Variants in TOGARAM2 observed in about 807,000 individuals in gnomAD.
TOGARAM2 encodes the protein TOG array regulator of axonemal microtubules 2.
TOGARAM2 carries 85 observed loss-of-function variants against 93.3 expected under a neutral mutation model. The observed-to-expected ratio is 0.91, with a 90% CI of 0.76 to 1.09. The LOEUF (loss-of-function observed/expected upper bound fraction) is 1.09. Ranked by LOEUF, TOGARAM2 falls within the 50% of genes least tolerant of loss-of-function variation. The pLI is 0.00. For synonymous variants in TOGARAM2, 593 were observed against 552.8 expected, an observed-to-expected ratio of 1.07 and a Z score of -1.02; for missense variants, 1,277 against 1,334.5, an observed-to-expected ratio of 0.96 and a Z score of 0.67.
In TOGARAM2 at chr2:29,052,011, G is replaced by A; in HGVS notation, c.2978G>A (p.Gly993Glu). ...LQELLDSESL[G>E]GSRKATDRGV... ...GAACTCTTAGACTCAGAGTCCTTGG[G>A]AGGCAGCCGCAAGGCCACTGACAGA... Residue 993 changes from glycine to glutamate, a missense_variant, in exon 20 of 20, where the codon GGA (glycine) becomes GAA (glutamate). Gly to Glu is a moderately conservative substitution (Grantham distance 98). Coordinates refer to ENST00000379558, the MANE Select transcript of TOGARAM2 (RefSeq NM_199280.4). 6.2e-7 allele frequency: 1 copy of A among 1,612,912 alleles called. No individual in the cohort carries two copies. Among genetic ancestry groups the A allele is most frequent in the Non-Finnish European group, 8.5e-7 (1 of 1,179,574 alleles).
chr2:28,991,337 C>T (rs1004115141), intron 1 of TOGARAM2, among the ~76,000 whole-genome samples: 1 of 151,884 alleles, frequency 6.6e-6, no homozygotes, highest in African/African-American at 2.4e-5. Flanking sequence ...GGGTGTGAGA[C>T]GGGAGGGGGG....
At chr2:28,969,993 A>G (rs886983582) in intron 1 of TOGARAM2, among the ~76,000 whole-genome samples, 2 of 151,872 alleles carry the variant, frequency 1.3e-5, no homozygotes, top group Admixed American at 1.3e-4. Context: ...TTGTATTTTT[A>G]GTAGAGATGG....
intron 19 of TOGARAM2, chr2:29,047,495 G>T (rs115688708): frequency 6.6e-6 from 1 of 152,192 alleles, no homozygotes. Flanking sequence ...TGACACAGGC[G>T]AGGCCTAATA....
upstream of TOGARAM2, among the ~76,000 whole-genome samples, chr2:28,980,654 A>G (rs192569974): frequency 7.9e-5 from 12 of 152,326 alleles, no homozygotes; most frequent in East Asian, 2.1e-3. Context: ...GAAAGTACAC[A>G]TGGGCTGCTA....
intron 8 of TOGARAM2, among the ~76,000 whole-genome samples, chr2:29,016,594 T>A (rs1664585076): frequency 6.6e-6 from 1 of 152,228 alleles, no homozygotes; most frequent in African/African-American, 2.4e-5. Context: ...GCAGATCATG[T>A]CACTCCTCTG....
intron 6 of TOGARAM2, among the ~76,000 whole-genome samples, chr2:29,007,083 C>G (rs556705334): frequency 6.6e-6 from 1 of 152,294 alleles, no homozygotes; most frequent in East Asian, 1.9e-4. Context: ...CAAAATTGTT[C>G]CAGGACTGTT....
At chr2:29,020,288 T>A (rs1451375318) in intron 10 of TOGARAM2, among the ~76,000 whole-genome samples, 2 of 152,202 alleles carry the variant, frequency 1.3e-5, no homozygotes, top group Admixed American at 6.5e-5. Context: ...TGGGAGTGGC[T>A]GGAAAGTTGT....
At position 29,033,475 on chromosome 2, in the gene TOGARAM2, G is replaced by A. The variant is rs933994819; in HGVS notation, c.2137G>A (p.Glu713Lys). The stretch of plus-strand genomic sequence containing the variant: ...CTGTGTGTATTTTTTCAAGGGAATA[G>A]AAGATAATGATGAACTTCCCTCTGC... Reference protein sequence around the residue: ...VMAAIKQQGIEDNDELPSAKG... With the variant: ...VMAAIKQQGIKDNDELPSAKG... Residue 713 changes from glutamate to lysine, a missense_variant, in exon 16 of 20, where the codon GAA becomes AAA. By Grantham distance (56) the Glu-to-Lys change is moderately conservative (BLOSUM62 1). Transcript: ENST00000379558. 6.2e-7 allele frequency: 1 copy of A among 1,612,950 alleles called. No homozygotes were observed. The highest frequency in any genetic ancestry group is 8.5e-7 in the Non-Finnish European group (1 of 1,179,508).
At chr2:29,015,506 GCT>G (rs1449487533) in intron 8 of TOGARAM2, among the ~76,000 whole-genome samples, 3 of 152,280 alleles carry the variant, frequency 2.0e-5, no homozygotes, top group Admixed American at 6.5e-5. Flanking sequence ...CAGCATGTTA[GCT>G]CTCTGTTACC....
intron 2 of TOGARAM2, among the ~76,000 whole-genome samples, chr2:28,996,596 C>T (rs534913923): frequency 6.6e-6 from 1 of 151,880 alleles, no homozygotes; most frequent in Admixed American, 6.6e-5. Context: ...CAGAGGCGGG[C>T]AGATTGCATG....
intron 14 of TOGARAM2, among the ~76,000 whole-genome samples, chr2:29,027,618 G>A (rs370354959): frequency 2.4e-4 from 34 of 140,370 alleles, no homozygotes; most frequent in African/African-American, 8.0e-4. Flanking sequence ...AAAATGCTAG[G>A]GGTGGTGTTG....
chr2:28,983,198 A>ATATATT (rs1196223294), intron 1 of TOGARAM2, among the ~76,000 whole-genome samples: 1 of 56,622 alleles, frequency 1.8e-5, no homozygotes, highest in African/African-American at 8.3e-5. Flanking sequence ...ATATATATAT[A>ATATATT]TTTTTTTTTT....
chr2:29,002,732 A>G lies in TOGARAM2; in HGVS notation c.624A>G (p.Arg208=). Reference sequence around the variant, plus strand: ...GCATTCCGGGTCCTCACGAGTTGAGACCCGGTGCTCAGGAGGTAAGGTGGT... The same window carrying G: ...GCATTCCGGGTCCTCACGAGTTGAGGCCCGGTGCTCAGGAGGTAAGGTGGT... The part of the protein sequence containing the change: ...PGSIPGPHEL[R]PGAQEAQISW... The change falls in exon 5 of 20, where the codon AGA becomes AGG. Residue 208 remains arginine, a synonymous_variant. Transcript: ENST00000379558. 6.2e-7 allele frequency: 1 copy of G among 1,613,444 alleles called. No individual in the cohort carries two copies. The highest frequency in any genetic ancestry group is 8.5e-7 in the Non-Finnish European group (1 of 1,179,684).
chr2:28,959,333 CCCATAGACTTTGT>C (rs1222220721), intron 1 of TOGARAM2, among the ~76,000 whole-genome samples: 1 of 152,116 alleles, frequency 6.6e-6, no homozygotes, highest in Non-Finnish European at 1.5e-5. Flanking sequence ...CATCAATTTC[CCCATAGACTTTGT>C]CCATGAAATC....
intron 19 of TOGARAM2, chr2:29,051,494 C>A: frequency 3.2e-6 from 1 of 315,470 alleles, no homozygotes; most frequent in Non-Finnish European, 5.7e-6. Flanking sequence ...CCCCTTTCTC[C>A]ATAAAAAATA....
rs1671725897 is a variant in TOGARAM2 at position 28,956,886 on chromosome 2, A to T, written c.-147+189A>T. ...ATGCCTGTAATCCCAACACTTTGGGAGGCCGAGGCGGGCGGATCACCTGAG... is the reference window on the plus strand; with the variant it reads ...ATGCCTGTAATCCCAACACTTTGGGTGGCCGAGGCGGGCGGATCACCTGAG... On this transcript the variant is annotated intron_variant, in intron 1 of 6. Coordinates refer to the TOGARAM2 transcript ENST00000401723. This position sits in a 1 kb window ranked among gnomAD's most constrained non-coding sequence, Gnocchi z 4.5. Among the ~76,000 whole-genome samples the T allele has an allele frequency of 6.6e-6, 1 of 152,144 alleles. No homozygotes were observed. Among genetic ancestry groups the T allele is most frequent in the Admixed American group, 6.5e-5 (1 of 15,278 alleles).
intron 6 of TOGARAM2, among the ~76,000 whole-genome samples, chr2:29,005,416 T>TGC (rs1553338924): frequency 1.4e-5 from 2 of 146,334 alleles, no homozygotes; most frequent in African/African-American, 5.1e-5. Context: ...TGTGTGCGTG[T>TGC]GTGAGAGCAT....
rs1186883214 is a variant in TOGARAM2, at chr2:29,005,054, ATG to A, written c.830+1379_830+1380del. Among the ~76,000 whole-genome samples the A allele has an allele frequency of 1.7e-3, 26 of 15,508 alleles. 4 individuals are homozygous for A. Among genetic ancestry groups the A allele is most frequent in the African/African-American group, 2.9e-3 (23 of 7,848 alleles). The allele number at this position is 15,508 out of a possible 152,430, so 10.2% of individuals were successfully genotyped here. On this transcript the variant is annotated intron_variant, in intron 6 of 19. Coordinates refer to ENST00000379558, the MANE Select transcript of TOGARAM2 (RefSeq NM_199280.4). Reference sequence around the variant, plus strand: ...TGTGAGTGCATGTGTGTGCATGTGTATGTGTGTGAGTGCATGTGTGTGCATGT... The same window carrying A: ...TGTGAGTGCATGTGTGTGCATGTGTATGTGTGAGTGCATGTGTGTGCATGT...
At chr2:29,016,207 G>A (rs575765014) in intron 8 of TOGARAM2, among the ~76,000 whole-genome samples, 4 of 151,956 alleles carry the variant, frequency 2.6e-5, no homozygotes, top group South Asian at 4.2e-4. Flanking sequence ...CTCTCGCCCC[G>A]CACCTCATAT....
Sources: allele counts gnomAD v4.1 joint callset (sites outside exome capture counted in the v4.1 genomes callset), GRCh38; gene constraint gnomAD v4.1.1; non-coding constraint Gnocchi (gnomAD v3.1); transcripts MANE v1.5; gene names NCBI Gene and HGNC (gene_info 2026-07-23, HGNC 2026-07-21).